SPAG16: variants seen among roughly 807,000 people sequenced by gnomAD.
The protein encoded by SPAG16 is sperm associated antigen 16, also known as sperm-associated antigen 16 protein.
Under a neutral mutation model 80.4 loss-of-function variants are expected in SPAG16, and 86 were observed. The observed-to-expected ratio is 1.07, with a 90% confidence interval of 0.90 to 1.28. SPAG16 has a LOEUF of 1.28. Among genes scored for constraint, SPAG16 ranks in the 50% most tolerant of loss-of-function variants. The probability of loss-of-function intolerance (pLI) is 0.00; values close to 1 mark genes in which losing one functional copy is unlikely to be tolerated. For synonymous variants in SPAG16, 294 were observed against 265.9 expected (o/e 1.11, Z -1.03); for missense variants, 870 against 765.3 (o/e 1.14, Z -1.61).
intron 12 of SPAG16, among the ~76,000 whole-genome samples, chr2:214,008,266 AT>A (rs1458736143): frequency 1.3e-5 from 2 of 152,080 alleles, no homozygotes; most frequent in African/African-American, 2.4e-5. Flanking sequence ...CTGTGCACCC[AT>A]TATAACTATA....
chr2:213,772,277 T>A (rs2069296448), intron 10 of SPAG16, among the ~76,000 whole-genome samples: 1 of 152,152 alleles, frequency 6.6e-6, no homozygotes, highest in Non-Finnish European at 1.5e-5. Context: ...GCTTATGATT[T>A]TTGCACATTG....
At chr2:213,633,520 G>A (rs1191908698) in intron 10 of SPAG16, among the ~76,000 whole-genome samples, 2 of 152,042 alleles carry the variant, frequency 1.3e-5, no homozygotes, top group Admixed American at 6.6e-5. Flanking sequence ...GAAATGTTTT[G>A]TAAATATCTA....
At chr2:214,322,602 A>T (rs55690277) in intron 15 of SPAG16, among the ~76,000 whole-genome samples, 2,714 of 152,188 alleles carry the variant, frequency 0.018, 85 homozygotes, top group African/African-American at 0.062. Context: ...AAGTTGGGGT[A>T]TATTTTAGAT....
intron 15 of SPAG16, chr2:214,281,001 G>T: frequency 2.4e-6 from 1 of 420,978 alleles, no homozygotes; most frequent in South Asian, 2.1e-5. Flanking sequence ...GTACTGTAAG[G>T]GATAGACAAA....
At chr2:214,013,922 C>T in intron 12 of SPAG16, 29 bp from the exon 13 acceptor site, 1 of 1,607,238 alleles carries the variant, frequency 6.2e-7, no homozygotes, top group Non-Finnish European at 8.5e-7. Context: ...GATACTAACT[C>T]CTAAAATTCT....
rs545682071 is a variant in SPAG16, at chr2:214,375,594, C to T, written c.1721-34546C>T. Among the ~76,000 whole-genome samples, 75 of 152,200 alleles carry T rather than the reference C, an allele frequency of 4.9e-4. 1 individual carries two copies. The highest frequency in any genetic ancestry group is 4.3e-3 in the South Asian group (21 of 4,830). ...CTGCATACAAGAAAAAATCGCTGTG[C>T]AGCAATACTGTTCCTGAAATGTGAA... On this transcript the variant is annotated intron_variant, in intron 15 of 15. Transcript: ENST00000331683.
chr2:213,519,648 T>C (rs554383168), intron 10 of SPAG16, among the ~76,000 whole-genome samples: 1 of 152,278 alleles, frequency 6.6e-6, no homozygotes, highest in South Asian at 2.1e-4. Flanking sequence ...AGCATGAAAA[T>C]GAACTAATAT....
chr2:213,961,556 C>G (rs7583970), intron 12 of SPAG16, among the ~76,000 whole-genome samples: 23,165 of 148,330 alleles, frequency 0.16, 2,239 homozygotes, highest in African/African-American at 0.28. Context: ...TGCCTTTTAT[C>G]AGATTAAGAA....
At chr2:213,377,215 G>A (rs1387209) in intron 9 of SPAG16, among the ~76,000 whole-genome samples, 103,297 of 152,068 alleles carry the variant, frequency 0.68, 35,866 homozygotes, top group East Asian at 1. Context: ...AGCAATAATT[G>A]CTGTTGGTCT....
chr2:213,702,800 T>G (rs1357466837), intron 10 of SPAG16, among the ~76,000 whole-genome samples: 2 of 151,890 alleles, frequency 1.3e-5, no homozygotes, highest in Non-Finnish European at 2.9e-5. Context: ...ATTTCTAGAG[T>G]TGATATATAT....
chr2:214,076,139 A>G (rs1210764926), intron 13 of SPAG16, among the ~76,000 whole-genome samples: 1 of 152,200 alleles, frequency 6.6e-6, no homozygotes, highest in East Asian at 1.9e-4. Flanking sequence ...AATAGTAAAC[A>G]GTGATATGGA....
chr2:214,038,958 T>G (rs1266223998), intron 13 of SPAG16, among the ~76,000 whole-genome samples: 1 of 152,106 alleles, frequency 6.6e-6, no homozygotes, highest in Non-Finnish European at 1.5e-5. Flanking sequence ...GACATTTGGG[T>G]TGGTTCCAAG....
intron 10 of SPAG16, among the ~76,000 whole-genome samples, chr2:213,688,482 T>C (rs1424030332): frequency 5.3e-5 from 8 of 152,222 alleles, no homozygotes; most frequent in Non-Finnish European, 1.0e-4. Flanking sequence ...CTTTGTCAGG[T>C]AATGTTACAC....
At chr2:213,400,299 AATAC>A (rs918983957) in intron 9 of SPAG16, among the ~76,000 whole-genome samples, 15 of 152,080 alleles carry the variant, frequency 9.9e-5, no homozygotes, top group African/African-American at 3.6e-4. Flanking sequence ...ATTTTCCCCA[AATAC>A]TGTTTCAACT....
In SPAG16 at chr2:214,150,876, G is replaced by A. The variant is rs553834212; in HGVS notation, c.1720+1610G>A. 8.5e-5 allele frequency among the ~76,000 whole-genome samples: 13 copies of A among 152,086 alleles called. 1 individual carries two copies. Among genetic ancestry groups the A allele is most frequent in the African/African-American group, 3.1e-4 (13 of 41,530 alleles). On this transcript the variant is annotated intron_variant, in intron 15 of 15. Transcript: ENST00000331683. ...ACAGTACCTATCTTCTGTCATACAGGTCAGTGTGATTTTAAGGCCCTTGGT... is the reference window on the plus strand; with the variant it reads ...ACAGTACCTATCTTCTGTCATACAGATCAGTGTGATTTTAAGGCCCTTGGT...
chr2:214,374,393 G>C (rs754912753), intron 15 of SPAG16, among the ~76,000 whole-genome samples: 64 of 152,126 alleles, frequency 4.2e-4, no homozygotes, highest in Non-Finnish European at 8.8e-5. Flanking sequence ...CACTGCACAG[G>C]ACAGGGAATT....
chr2:214,343,883 T>C (rs1228076313), intron 15 of SPAG16, among the ~76,000 whole-genome samples: 1 of 152,090 alleles, frequency 6.6e-6, no homozygotes, highest in Non-Finnish European at 1.5e-5. Flanking sequence ...AACAATGGAA[T>C]AGAAAGAACC....
rs71063764 is a variant in SPAG16 at position 213,643,767 on chromosome 2, C to CTTTTTT, written c.1070+153701_1070+153706dup. On this transcript the variant is annotated intron_variant, in intron 10 of 15. Coordinates refer to ENST00000331683, the MANE Select transcript of SPAG16 (RefSeq NM_024532.5). Reference sequence around the variant, plus strand: ...TAGCCTGTCTTCAAGCTCACTACTTCTTTTTTTTTTTTTTTTTTTTTTTTT... The same window carrying CTTTTTT: ...TAGCCTGTCTTCAAGCTCACTACTTCTTTTTTTTTTTTTTTTTTTTTTTTTTTTTTT... Among the ~76,000 whole-genome samples the CTTTTTT allele has an allele frequency of 9.2e-4, 48 of 52,030 alleles. 2 individuals carry two copies. The highest frequency in any genetic ancestry group is 1.5e-3 in the African/African-American group (18 of 11,722). 34.1% of individuals were successfully genotyped at this position (52,030 alleles called of 152,430 possible). A position where few individuals can be genotyped will look rare whatever the true frequency, so the allele number is the denominator to read the frequency against.
intron 12 of SPAG16, among the ~76,000 whole-genome samples, chr2:213,943,512 T>G (rs2079302880): frequency 6.6e-6 from 1 of 152,186 alleles, no homozygotes; most frequent in South Asian, 2.1e-4. Context: ...GAAAAGGCAC[T>G]CCTTGTTATA....
Sources: gnomAD v4.1 joint callset for allele counts (sites outside exome capture counted in the v4.1 genomes callset) on GRCh38, gnomAD v4.1.1 for gene constraint, MANE v1.5 for transcripts, NCBI Gene and HGNC (gene_info 2026-07-23, HGNC 2026-07-21) for gene names.